Variants in RARB observed in about 807,000 individuals in gnomAD.
RARB encodes retinoic acid receptor beta, also known as HBV-activated protein.
A neutral mutation model predicts 51.9 loss-of-function variants in RARB; 17 were observed. The ratio of observed to expected loss-of-function variants is 0.33; its 90% confidence interval spans 0.22 to 0.49. The LOEUF (loss-of-function observed/expected upper bound fraction) is 0.49, where lower values mean the gene tolerates loss of function less well. RARB is among the 20% of genes least tolerant of loss of function. RARB has a pLI of 0.99. For missense variants in RARB, 369 were observed against 550.8 expected (o/e 0.67, Z 3.30); for synonymous variants, 215 against 195.4 (o/e 1.10, Z -0.84).
Position 25,119,676 on chromosome 3 carries a change from C to CAAAA in RARB, c.-327-12480_-327-12477dup, listed in dbSNP as rs1004935598. Among the ~76,000 whole-genome samples, 185 of 150,600 alleles carry CAAAA rather than the reference C, an allele frequency of 1.2e-3. 1 individual carries two copies. Among genetic ancestry groups the CAAAA allele is most frequent in the African/African-American group, 4.2e-3 (172 of 40,886 alleles). On this transcript the variant is annotated intron_variant, in intron 3 of 11. Transcript: ENST00000383772. ...CAAACAAACAAAAAAAAAACAACAA[C>CAAAA]AAAAAAAACACTGCTCTTGTGTCAA...
chr3:25,501,368 T>C (rs1469789326), intron 3 of RARB, 45 bp downstream of exon 3: 1 of 1,596,194 alleles, frequency 6.3e-7, no homozygotes, highest in Non-Finnish European at 8.5e-7. Flanking sequence ...TCCTTATCTC[T>C]GTGATTTGCT....
chr3:25,074,197 G>A (rs1698826513), intron 3 of RARB, among the ~76,000 whole-genome samples: 1 of 152,182 alleles, frequency 6.6e-6, no homozygotes, highest in African/African-American at 2.4e-5. Context: ...AAGGAATAGT[G>A]TTTCCTCCCC....
intron 5 of RARB, among the ~76,000 whole-genome samples, chr3:25,320,599 C>T (rs1012820395): frequency 6.6e-6 from 1 of 152,178 alleles, no homozygotes; most frequent in African/African-American, 2.4e-5. Context: ...CAAATATTTA[C>T]TTTATTATTG....
At chr3:25,135,441 C>T (rs1302820815) in intron 4 of RARB, among the ~76,000 whole-genome samples, 1 of 151,918 alleles carries the variant, frequency 6.6e-6, no homozygotes, top group Non-Finnish European at 1.5e-5. Flanking sequence ...AAGCTTTAAT[C>T]TGCTAGCTGA....
intron 5 of RARB, among the ~76,000 whole-genome samples, chr3:25,177,803 T>C (rs1700786254): frequency 6.6e-6 from 1 of 152,220 alleles, no homozygotes; most frequent in Non-Finnish European, 1.5e-5. Flanking sequence ...ATGCTATATC[T>C]ACTTTGCAGT....
chr3:25,346,950 A>G (rs1705413784), intron 5 of RARB, among the ~76,000 whole-genome samples: 1 of 152,230 alleles, frequency 6.6e-6, no homozygotes, highest in Non-Finnish European at 1.5e-5. Context: ...AGGATTGTTC[A>G]TGAGTAGTCT....
chr3:25,050,417 CA>C (rs956978021), intron 2 of RARB, among the ~76,000 whole-genome samples: 12 of 151,774 alleles, frequency 7.9e-5, no homozygotes, highest in African/African-American at 2.7e-4. Flanking sequence ...CTTTACTTCT[CA>C]AAAGGCTCAT....
At chr3:24,928,022 C>T (rs1695356878) in intron 2 of RARB, among the ~76,000 whole-genome samples, 1 of 152,060 alleles carries the variant, frequency 6.6e-6, no homozygotes, top group African/African-American at 2.4e-5. Context: ...GGAAAGGAGA[C>T]ACCCAAGGGG....
intron 1 of RARB, among the ~76,000 whole-genome samples, chr3:25,456,670 TATATATATATATAG>T (rs1694927779): frequency 9.1e-6 from 1 of 109,468 alleles, no homozygotes; most frequent in Admixed American, 1.0e-4. Context: ...AATATATATA[TATATATATATATAG>T]AGAGAGAGAG....
At chr3:25,137,479 T>TA (rs1339080851) in intron 4 of RARB, among the ~76,000 whole-genome samples, 1 of 152,050 alleles carries the variant, frequency 6.6e-6, no homozygotes, top group Non-Finnish European at 1.5e-5. Flanking sequence ...TACAGTAACT[T>TA]ACAGAAAAAC....
intron 2 of RARB, among the ~76,000 whole-genome samples, chr3:24,944,903 G>C (rs147665176): frequency 8.5e-4 from 130 of 152,242 alleles, no homozygotes; most frequent in Non-Finnish European, 1.5e-3. Context: ...TGCCATTGAA[G>C]GTTCAGTAAC....
chr3:24,957,306 T>C (rs962738505), intron 2 of RARB, among the ~76,000 whole-genome samples: 1 of 152,184 alleles, frequency 6.6e-6, no homozygotes, highest in African/African-American at 2.4e-5. Flanking sequence ...CCCCAAAGTA[T>C]TTTGTCCTTC....
chr3:25,494,096 A>G (rs1020493875), intron 2 of RARB, among the ~76,000 whole-genome samples: 4 of 152,212 alleles, frequency 2.6e-5, no homozygotes, highest in Non-Finnish European at 4.4e-5. Context: ...GACGAAGTCA[A>G]TGAATCACAG....
chr3:25,105,420 T>C (rs1699479919), intron 3 of RARB, among the ~76,000 whole-genome samples: 1 of 120,162 alleles, frequency 8.3e-6, no homozygotes. Context: ...TGTATACATG[T>C]GCAAAAAAAA....
chr3:25,314,669 A>G (rs1704373959), intron 5 of RARB, among the ~76,000 whole-genome samples: 1 of 151,956 alleles, frequency 6.6e-6, no homozygotes, highest in African/African-American at 2.4e-5. Flanking sequence ...TTATATATAT[A>G]CTTTCATTTT....
intron 4 of RARB, among the ~76,000 whole-genome samples, chr3:25,575,956 T>C (rs1430735358): frequency 6.6e-6 from 1 of 152,128 alleles, no homozygotes; most frequent in African/African-American, 2.4e-5. Flanking sequence ...TTGTCACAAG[T>C]GTTGTGAGTA....
At chr3:25,267,226 C>T (rs1479682825) in intron 5 of RARB, among the ~76,000 whole-genome samples, 1 of 152,186 alleles carries the variant, frequency 6.6e-6, no homozygotes, top group African/African-American at 2.4e-5. Context: ...TAAGCACCTT[C>T]ATTTTAACCA....
chr3:24,914,858 T>C (rs938777719), intron 2 of RARB, among the ~76,000 whole-genome samples: 11 of 152,198 alleles, frequency 7.2e-5, no homozygotes, highest in Non-Finnish European at 1.5e-4. Context: ...TACTAACAGA[T>C]GGTATTGTCC....
At chr3:25,102,899 A>G (rs1699431428) in intron 3 of RARB, among the ~76,000 whole-genome samples, 1 of 152,114 alleles carries the variant, frequency 6.6e-6, no homozygotes, top group African/African-American at 2.4e-5. Flanking sequence ...TAAAAATACA[A>G]AATTAGCTGG....
Sources: allele counts gnomAD v4.1 joint callset (sites outside exome capture counted in the v4.1 genomes callset), GRCh38; gene constraint gnomAD v4.1.1; transcripts MANE v1.5; gene names NCBI Gene and HGNC (gene_info 2026-07-23, HGNC 2026-07-21).